MYOM1: variants seen among roughly 807,000 people sequenced by gnomAD.
MYOM1 encodes the protein myomesin 1.
Under a neutral mutation model 205.3 loss-of-function variants are expected in MYOM1, and 164 were observed. The ratio of observed to expected loss-of-function variants is 0.80; its 90% CI spans 0.70 to 0.91. MYOM1 has a LOEUF of 0.91. Ranked by LOEUF, MYOM1 falls within the 40% of genes least tolerant of loss-of-function variation. The pLI, the probability that MYOM1 is intolerant of heterozygous loss-of-function variation, is 0.00. For missense variants in MYOM1, 2,011 were observed against 2,127.3 expected, an observed-to-expected ratio of 0.95 and a Z score of 1.08; for synonymous variants, 772 against 789.4, an observed-to-expected ratio of 0.98 and a Z score of 0.37.
intron 1 of MYOM1, among the ~76,000 whole-genome samples, chr18:3,218,451 G>A (rs1351284131): frequency 2.0e-5 from 3 of 152,112 alleles, no homozygotes; most frequent in Admixed American, 6.5e-5. Context: ...TTATCTTAGG[G>A]TTCATGGAAG....
intron 10 of MYOM1, among the ~76,000 whole-genome samples, chr18:3,156,732 G>A (rs1382637452): frequency 6.6e-6 from 1 of 151,832 alleles, no homozygotes; most frequent in African/African-American, 2.4e-5. Flanking sequence ...CAAGCCTCCT[G>A]AGTAGCTGGG....
intron 5 of MYOM1, among the ~76,000 whole-genome samples, chr18:3,180,182 T>C (rs1198535037): frequency 6.6e-6 from 1 of 152,158 alleles, no homozygotes; most frequent in Non-Finnish European, 1.5e-5. Context: ...GCAGCTCCCA[T>C]AGTTGCTTCA....
chr18:3,244,661 C>T, the MYOM1 span, among the ~76,000 whole-genome samples: 8 of 150,956 alleles, frequency 5.3e-5, no homozygotes, highest in East Asian at 3.9e-4. Flanking sequence ...GAGGCTGAGG[C>T]GGGTGGATCA....
At position 3,089,547 on chromosome 18, in the gene MYOM1, G is replaced by T; in HGVS notation, c.4059C>A (p.Ile1353=). Residue 1353 remains isoleucine (I), a synonymous_variant, in exon 28 of 38, where the codon ATC becomes ATA. Transcript: ENST00000356443. ...KEAEFQRQEW[I]RKQGPHFVEY... is the part of the protein sequence containing the mutation. ...ACGGCCTATTTTTACCTTGTTTCCT[G>T]ATCCATTCTTGCCGCTGGAATTCAG... The T allele has an allele frequency of 6.2e-7, 1 of 1,607,622 alleles. No homozygotes were observed. The highest frequency in any genetic ancestry group is 1.1e-5 in the South Asian group (1 of 89,802).
intron 1 of MYOM1, among the ~76,000 whole-genome samples, chr18:3,216,043 G>A (rs948473940): frequency 1.9e-4 from 29 of 152,146 alleles, no homozygotes; most frequent in African/African-American, 6.8e-4. Context: ...CGAGGCAGGC[G>A]GATCACTTGA....
rs150145896 is a variant in MYOM1, at chr18:3,082,948, G to A, written c.4484+841C>T. On this transcript the variant is annotated intron_variant, in intron 33 of 37. Coordinates refer to ENST00000356443, the MANE Select transcript of MYOM1 (RefSeq NM_003803.4). ...ACAACAACAATAATCTTGGGCACTC[G>A]TTGGATTAGGCTTCTTTGGTGAATG... is the stretch of plus-strand genomic sequence containing the variant. Among the ~76,000 whole-genome samples the A allele has an allele frequency of 2.8e-3, 423 of 152,298 alleles. 3 individuals are homozygous for A. Among genetic ancestry groups the A allele is most frequent in the South Asian group, 0.013 (61 of 4,822 alleles).
Position 3,219,503 on chromosome 18 carries a change from T to C in MYOM1, c.-29+300A>G, listed in dbSNP as rs1195561946. On this transcript the variant is annotated intron_variant, in intron 1 of 37. Transcript: ENST00000356443. This position sits in a 1 kb window ranked among gnomAD's most constrained non-coding sequence, Gnocchi z 4.4. ...ATTTCAACCAAACCGTACTTGGAAA[T>C]AGCATTAAACACACGCTTACAGTTC... is the stretch of plus-strand genomic sequence containing the variant. Among the ~76,000 whole-genome samples the C allele has an allele frequency of 6.6e-6, 1 of 152,174 alleles. No individual in the cohort carries two copies. Among genetic ancestry groups the C allele is most frequent in the East Asian group, 1.9e-4 (1 of 5,194 alleles).
At chr18:3,080,622 C>T (rs889959901) in intron 33 of MYOM1, among the ~76,000 whole-genome samples, 1 of 151,274 alleles carries the variant, frequency 6.6e-6, no homozygotes, top group Admixed American at 6.6e-5. Context: ...TGCAATGAAC[C>T]GAGATCACGC....
chr18:3,119,596 G>A (rs1163521618), intron 20 of MYOM1, among the ~76,000 whole-genome samples: 1 of 152,154 alleles, frequency 6.6e-6, no homozygotes, highest in Admixed American at 6.5e-5. Context: ...CACTCAAGCC[G>A]GCTGCCTGTG....
intron 19 of MYOM1, 83 bp from the exon 20 acceptor site, chr18:3,120,078 C>T: frequency 6.7e-7 from 1 of 1,486,738 alleles, no homozygotes; most frequent in South Asian, 1.3e-5. Context: ...TATTTATTTA[C>T]CTTCCATGTC....
rs2079357173 is a variant in MYOM1 at position 3,100,126 on chromosome 18, C to A, written c.3727+33G>T. The stretch of plus-strand genomic sequence containing the variant: ...CAGAAGTTGCTGCCTAGTAAGACTG[C>A]TAAAAACCTGTGAATGTATTGTGGA... On this transcript the variant is annotated intron_variant, in intron 25 of 37. Transcript: ENST00000356443. The A allele has an allele frequency of 7.4e-6, 12 of 1,612,444 alleles. No individual in the cohort carries two copies. The East Asian group carries it at 2.7e-4, about 36-fold the overall frequency.
At chr18:3,214,149 A>G in intron 2 of MYOM1, among the ~76,000 whole-genome samples, 1 of 152,242 alleles carries the variant, frequency 6.6e-6, no homozygotes. Context: ...TCCGAATTTT[A>G]AGTATTTGCT....
In MYOM1 at chr18:3,122,747, C is replaced by T. The variant is rs908261458; in HGVS notation, c.2992-2752G>A. 1.2e-4 allele frequency among the ~76,000 whole-genome samples: 18 copies of T among 152,022 alleles called. 1 individual carries two copies. Among genetic ancestry groups the T allele is most frequent in the Admixed American group, 1.1e-3 (17 of 15,250 alleles). On this transcript the variant is annotated intron_variant, in intron 19 of 37. Transcript: ENST00000356443. ...AGGTAGTTTTAACATTAGACAATTA[C>T]TAGAATATACCAAATTATAATAAAA...
At chr18:3,176,422 C>T (rs370884371) in intron 5 of MYOM1, among the ~76,000 whole-genome samples, 1 of 152,040 alleles carries the variant, frequency 6.6e-6, no homozygotes, top group African/African-American at 2.4e-5. Flanking sequence ...CGAAAAAAGC[C>T]AGTTACAAAA....
the MYOM1 span, among the ~76,000 whole-genome samples, chr18:3,225,132 CA>C: frequency 6.6e-6 from 1 of 152,274 alleles, no homozygotes; most frequent in South Asian, 2.1e-4. Context: ...GGACTACAGG[CA>C]CCTGCCACCA....
chr18:3,172,513 AT>A (rs1220428507), intron 8 of MYOM1, among the ~76,000 whole-genome samples: 1 of 151,320 alleles, frequency 6.6e-6, no homozygotes, highest in African/African-American at 2.4e-5. Flanking sequence ...ATTTCCAACT[AT>A]TCTTTTTTTT....
Position 3,130,060 on chromosome 18 carries a change from T to A in MYOM1, c.2507-541A>T, listed in dbSNP as rs73373164. Among the ~76,000 whole-genome samples, 45 of 151,830 alleles carry A rather than the reference T, an allele frequency of 3.0e-4. No individual in the cohort carries two copies. The South Asian group carries it at 5.0e-3, about 17-fold the overall frequency. ...CTTCGTTTTCTTTCTTCTTTTTTTT[T>A]TTTTTGGAGTCTCACTCTGTCCCCC... On this transcript the variant is annotated intron_variant, in intron 17 of 37. Transcript: ENST00000356443.
chr18:3,083,960 A>T, intron 32 of MYOM1, 29 bp downstream of exon 32: 1 of 1,585,686 alleles, frequency 6.3e-7, no homozygotes, highest in Non-Finnish European at 8.6e-7. Flanking sequence ...ATCATAAAGC[A>T]TTGTTGTGGT....
intron 19 of MYOM1, 48 bp from the exon 20 acceptor site, chr18:3,120,043 T>G (rs781304617): frequency 7.0e-5 from 106 of 1,520,640 alleles, no homozygotes; most frequent in Middle Eastern, 2.0e-4. Flanking sequence ...AGGTTTGTTT[T>G]TTTTTTTCTA....
Sources: allele counts gnomAD v4.1 joint callset (sites outside exome capture counted in the v4.1 genomes callset), GRCh38; gene constraint gnomAD v4.1.1; non-coding constraint Gnocchi (gnomAD v3.1); transcripts MANE v1.5; gene names NCBI Gene and HGNC (gene_info 2026-07-23, HGNC 2026-07-21).